HOXA3: variants seen among roughly 807,000 people sequenced by gnomAD.
HOXA3 encodes homeobox A3, also known as homeobox protein Hox-A3.
HOXA3 carries 8 observed loss-of-function variants against 30.3 expected under a neutral mutation model. The ratio of observed to expected loss-of-function variants is 0.26; its 90% CI spans 0.15 to 0.48. HOXA3 has a LOEUF of 0.48. Ranked by LOEUF, HOXA3 falls within the 20% of genes least tolerant of loss-of-function variation. HOXA3 has a pLI of 0.99. For synonymous variants in HOXA3, 323 were observed against 273.1 expected, an observed-to-expected ratio of 1.18 and a Z score of -1.80; for missense variants, 653 against 614.4, an observed-to-expected ratio of 1.06 and a Z score of -0.66.
At chr7:27,130,455 A>C in intron 2 of HOXA3, 1 of 1,224,716 alleles carries the variant, frequency 8.2e-7, no homozygotes, top group Non-Finnish European at 1.0e-6. Context: ...CCGCGGCCCC[A>C]TGCGCGGGGT....
intron 2 of HOXA3, among the ~76,000 whole-genome samples, chr7:27,135,007 C>G (rs1454093660): frequency 6.6e-6 from 1 of 152,138 alleles, no homozygotes; most frequent in Non-Finnish European, 1.5e-5. Flanking sequence ...AAAATAGATT[C>G]TTACAGCACC....
At position 27,119,156 on chromosome 7, in the gene HOXA3, C is replaced by T. The variant is rs540346265; in HGVS notation, c.-121+3403G>A. On this transcript the variant is annotated intron_variant, in intron 4 of 5. Transcript: ENST00000612286. Reference sequence around the variant, plus strand: ...AATTGCTCTGCAAGAGACCCCCCCCCCCAAAAAAAATAAGAAAAAAAAGAA... The same window carrying T: ...AATTGCTCTGCAAGAGACCCCCCCCTCCAAAAAAAATAAGAAAAAAAAGAA... 3.4e-3 allele frequency among the ~76,000 whole-genome samples: 478 copies of T among 141,756 alleles called. 1 individual carries two copies. The highest frequency in any genetic ancestry group is 5.4e-3 in the Non-Finnish European group (347 of 64,816). The allele number at this position is 141,756 out of a possible 152,430, so 93.0% of individuals were successfully genotyped here. A position where few individuals can be genotyped will look rare whatever the true frequency, so the allele number is the denominator to read the frequency against.
intron 1 of HOXA3, chr7:27,142,214 AC>A: frequency 1.1e-6 from 1 of 916,406 alleles, no homozygotes; most frequent in Non-Finnish European, 1.6e-6. Flanking sequence ...CAGCCCGCAC[AC>A]CCCTCCCGAA....
intron 2 of HOXA3, chr7:27,130,707 GT>G (rs777471144): frequency 6.2e-7 from 1 of 1,608,368 alleles, no homozygotes; most frequent in East Asian, 2.2e-5. Context: ...TGTAGTTGGA[GT>G]TTATCAAAAA....
At position 27,114,845 on chromosome 7, in the gene HOXA3, A is replaced by ATATATATT. The variant is rs1491150531; in HGVS notation, c.-120-4086_-120-4085insAATATATA. On this transcript the variant is annotated intron_variant, in intron 4 of 5. Coordinates refer to ENST00000612286, the MANE Select transcript of HOXA3 (RefSeq NM_153631.3). ...TATATATAATATATATTATATATAT[A>ATATATATT]ATATATATTATATATATAATATATA... Among the ~76,000 whole-genome samples the ATATATATT allele has an allele frequency of 4.5e-4, 12 of 26,836 alleles. 1 individual carries two copies. The highest frequency in any genetic ancestry group is 1.5e-3 in the East Asian group (1 of 652). 17.6% of individuals were successfully genotyped at this position (26,836 alleles called of 152,430 possible).
chr7:27,125,955 G>A (rs916153139), intron 3 of HOXA3, among the ~76,000 whole-genome samples: 16 of 152,162 alleles, frequency 1.1e-4, no homozygotes, highest in Non-Finnish European at 1.8e-4. Context: ...TAGGGGAATG[G>A]GGCCCGCTGG....
chr7:27,121,841 C>T (rs2128049541), intron 4 of HOXA3: 1 of 152,750 alleles, frequency 6.5e-6, no homozygotes, highest in Admixed American at 6.5e-5. Context: ...TAATTACCTC[C>T]CTGCATCCCA....
intron 2 of HOXA3, chr7:27,128,938 T>G: frequency 4.2e-6 from 2 of 471,544 alleles, no homozygotes; most frequent in South Asian, 2.4e-5. Context: ...ATCTCAAAAG[T>G]ATTTGATACC....
At chr7:27,126,448 A>G (rs1785287152) in intron 3 of HOXA3, among the ~76,000 whole-genome samples, 1 of 152,172 alleles carries the variant, frequency 6.6e-6, no homozygotes, top group African/African-American at 2.4e-5. Context: ...TGCTTAAAAA[A>G]AAAAAACAAT....
chr7:27,126,382 G>A (rs1041154350), intron 3 of HOXA3, among the ~76,000 whole-genome samples: 2 of 151,698 alleles, frequency 1.3e-5, no homozygotes, highest in African/African-American at 4.9e-5. Flanking sequence ...TAAAATTATA[G>A]AGCTTACACA....
Position 27,108,498 on chromosome 7 carries a change from T to A in HOXA3, c.749A>T (p.Gln250Leu). 6.2e-7 allele frequency: 1 copy of A among 1,614,134 alleles called. No individual in the cohort carries two copies. ...QNRRMKYKKD[Q>L]KGKGMLTSSG... The stretch of plus-strand genomic sequence containing the variant: ...TGACGTTAGCATGCCCTTGCCCTTC[T>A]GATCCTTTTTGTACTTCATGCGGCG... The change falls in exon 6 of 6, where the codon CAG (glutamine) becomes CTG (leucine). Residue 250 changes from glutamine to leucine, a missense_variant. Transcript: ENST00000612286. This position sits in a 1 kb window ranked among gnomAD's most constrained non-coding sequence, Gnocchi z 5.0.
At chr7:27,132,900 T>C (rs1785604418) in intron 2 of HOXA3, among the ~76,000 whole-genome samples, 1 of 152,246 alleles carries the variant, frequency 6.6e-6, no homozygotes, top group African/African-American at 2.4e-5. Context: ...CTTAACCATA[T>C]CTGTTTAATA....
In HOXA3 at chr7:27,129,856, T is replaced by G. The variant is rs943908646; in HGVS notation, c.-389-2786A>C. 5 of 604,994 alleles carry G rather than the reference T, an allele frequency of 8.3e-6. No homozygotes were observed. The African/African-American group carries it at 9.3e-5, about 11-fold the overall frequency. 37.5% of individuals were successfully genotyped at this position (604,994 alleles called of 1,614,324 possible). ...GAAGCCTCTGCCAGGGCAATTAAATTTATGGGGGCTATAATTACTGCCCTA... is the reference window on the plus strand; with the variant it reads ...GAAGCCTCTGCCAGGGCAATTAAATGTATGGGGGCTATAATTACTGCCCTA... On this transcript the variant is annotated intron_variant, in intron 2 of 5. Transcript: ENST00000612286.
chr7:27,147,849 G>A, intron 1 of HOXA3: 2 of 1,101,064 alleles, frequency 1.8e-6, no homozygotes, highest in Non-Finnish European at 2.5e-6. Context: ...ATGGCCGAAC[G>A]CCAAAAGCGA....
chr7:27,130,523 C>A (rs758521498), intron 2 of HOXA3: 5 of 1,348,224 alleles, frequency 3.7e-6, no homozygotes, highest in Middle Eastern at 2.7e-4. Context: ...TAGTAGGAGG[C>A]AGTGGGCTCT....
intron 2 of HOXA3, among the ~76,000 whole-genome samples, chr7:27,138,122 C>T (rs950976533): frequency 1.3e-5 from 2 of 152,196 alleles, no homozygotes; most frequent in African/African-American, 4.8e-5. Context: ...AAAGAGAACC[C>T]ATACCCATGT....
intron 2 of HOXA3, among the ~76,000 whole-genome samples, chr7:27,130,987 G>A (rs1405612834): frequency 6.6e-6 from 1 of 152,052 alleles, no homozygotes; most frequent in Non-Finnish European, 1.5e-5. Flanking sequence ...CGCACCGCGC[G>A]CGCGGACCCG....
chr7:27,147,061 C>T, intron 1 of HOXA3: 1 of 563,130 alleles, frequency 1.8e-6, no homozygotes, highest in Non-Finnish European at 3.1e-6. Flanking sequence ...CATATACGTG[C>T]CAGTGCCCCC....
chr7:27,120,261 G>T (rs1022820243), intron 4 of HOXA3, among the ~76,000 whole-genome samples: 1 of 152,120 alleles, frequency 6.6e-6, no homozygotes, highest in Non-Finnish European at 1.5e-5. Context: ...GCCATAAATT[G>T]TCCGGGTGCG....
Sources: allele counts gnomAD v4.1 joint callset (sites outside exome capture counted in the v4.1 genomes callset), GRCh38; gene constraint gnomAD v4.1.1; non-coding constraint Gnocchi (gnomAD v3.1); transcripts MANE v1.5; gene names NCBI Gene and HGNC (gene_info 2026-07-23, HGNC 2026-07-21).